PTPRG: variants seen among roughly 807,000 people sequenced by gnomAD.
PTPRG encodes protein tyrosine phosphatase receptor type G.
In PTPRG, 102 loss-of-function variants were observed where a neutral mutation model predicts 165.3. That is an observed-to-expected ratio of 0.62 (90% CI 0.53 to 0.73). The LOEUF (loss-of-function observed/expected upper bound fraction) is 0.73. PTPRG is among the 30% of genes least tolerant of loss of function. PTPRG has a pLI of 0.00. For synonymous variants in PTPRG, 675 were observed against 669.5 expected, an observed-to-expected ratio of 1.01 and a Z score of -0.13; for missense variants, 1,866 against 1,861.4, an observed-to-expected ratio of 1.00 and a Z score of -0.05.
intron 6 of PTPRG, among the ~76,000 whole-genome samples, chr3:62,145,831 C>G (rs771080070): frequency 1.3e-5 from 2 of 152,214 alleles, no homozygotes; most frequent in Admixed American, 6.5e-5. Context: ...GTATCCCAGC[C>G]ATGCAGTGGA....
intron 4 of PTPRG, among the ~76,000 whole-genome samples, chr3:62,027,814 T>TG (rs1699615484): frequency 6.6e-6 from 1 of 152,182 alleles, no homozygotes; most frequent in Admixed American, 6.5e-5. Flanking sequence ...AGGAAATGTG[T>TG]GTGTTCGTCT....
chr3:62,127,593 A>G (rs933682527), intron 5 of PTPRG, among the ~76,000 whole-genome samples: 2 of 152,152 alleles, frequency 1.3e-5, no homozygotes, highest in African/African-American at 2.4e-5. Flanking sequence ...TTTTTCCCAC[A>G]AGAGGATATC....
intron 4 of PTPRG, among the ~76,000 whole-genome samples, chr3:62,062,170 G>A (rs981863999): frequency 1.1e-4 from 16 of 152,046 alleles, no homozygotes; most frequent in Admixed American, 2.0e-4. Flanking sequence ...GTGGTGGCGC[G>A]TGCCTGTAAT....
chr3:62,252,705 GAAT>G lies in PTPRG; in HGVS notation c.2468-2418_2468-2416del, dbSNP rs1021488151. On this transcript the variant is annotated intron_variant, in intron 15 of 29. Coordinates refer to ENST00000474889, the MANE Select transcript of PTPRG (RefSeq NM_002841.4). The surrounding 1 kb of genome is among the most constrained non-coding windows in gnomAD (Gnocchi z 4.6). The stretch of plus-strand genomic sequence containing the variant: ...AGAGAATGTAATAGAAAAATTATGA[GAAT>G]GATTAGAATAATTAGTCATAGCCTT... Among the ~76,000 whole-genome samples, 1 of 152,104 alleles carries G rather than the reference GAAT, an allele frequency of 6.6e-6. No individual in the cohort carries two copies. Among genetic ancestry groups the G allele is most frequent in the Non-Finnish European group, 1.5e-5 (1 of 68,028 alleles).
chr3:62,162,819 A>C (rs1245721434), intron 7 of PTPRG, among the ~76,000 whole-genome samples: 1 of 152,244 alleles, frequency 6.6e-6, no homozygotes, highest in Non-Finnish European at 1.5e-5. Flanking sequence ...AGCTGAGAGC[A>C]TACAAAATAG....
At chr3:61,570,441 C>G (rs1700029356) in intron 1 of PTPRG, among the ~76,000 whole-genome samples, 1 of 152,104 alleles carries the variant, frequency 6.6e-6, no homozygotes, top group Non-Finnish European at 1.5e-5. Context: ...TGTAACACTT[C>G]CATGTAAGAA....
At chr3:61,682,830 C>T (rs892446263) in intron 1 of PTPRG, among the ~76,000 whole-genome samples, 6 of 152,154 alleles carry the variant, frequency 3.9e-5, no homozygotes, top group East Asian at 3.8e-4. Context: ...ACAGCAGTGG[C>T]GGATTAATTC....
intron 12 of PTPRG, among the ~76,000 whole-genome samples, chr3:62,212,592 G>T (rs1700386859): frequency 1.3e-5 from 2 of 152,132 alleles, no homozygotes; most frequent in African/African-American, 4.8e-5. Context: ...CTTGCAAACT[G>T]AAACCAGGCT....
Position 62,210,816 on chromosome 3 carries a change from A to T in PTPRG, c.2155+6866A>T, listed in dbSNP as rs1700341074. Among the ~76,000 whole-genome samples, 1 of 152,160 alleles carries T rather than the reference A, an allele frequency of 6.6e-6. No individual in the cohort carries two copies. The highest frequency in any genetic ancestry group is 2.4e-5 in the African/African-American group (1 of 41,444). Reference sequence around the variant, plus strand: ...ATAACATTTTTTTCTAGCTTACTTTATTGTAAGAATATAGCATATAATACA... The same window carrying T: ...ATAACATTTTTTTCTAGCTTACTTTTTTGTAAGAATATAGCATATAATACA... On this transcript the variant is annotated intron_variant, in intron 12 of 29. Transcript: ENST00000474889. The surrounding 1 kb of genome is among the most constrained non-coding windows in gnomAD (Gnocchi z 4.1).
intron 4 of PTPRG, among the ~76,000 whole-genome samples, chr3:62,044,778 A>G (rs1045630784): frequency 1.3e-5 from 2 of 152,178 alleles, no homozygotes; most frequent in Admixed American, 1.3e-4. Context: ...CAGCTCTTCC[A>G]TTAAGCTTCC....
chr3:61,675,806 T>C (rs1202189023), intron 1 of PTPRG, among the ~76,000 whole-genome samples: 1 of 152,198 alleles, frequency 6.6e-6, no homozygotes, highest in Non-Finnish European at 1.5e-5. Flanking sequence ...GCATACATTT[T>C]GAATTATCTT....
chr3:61,796,485 T>C (rs1440049376), intron 2 of PTPRG, among the ~76,000 whole-genome samples: 1 of 152,174 alleles, frequency 6.6e-6, no homozygotes, highest in Non-Finnish European at 1.5e-5. Context: ...GGGCAGAACT[T>C]GGTTCCTTGA....
At chr3:61,607,918 C>T (rs572439004) in intron 1 of PTPRG, among the ~76,000 whole-genome samples, 2 of 152,198 alleles carry the variant, frequency 1.3e-5, no homozygotes, top group South Asian at 2.1e-4. Flanking sequence ...TGAGGATTAC[C>T]CTGTTGGAAT....
intron 12 of PTPRG, among the ~76,000 whole-genome samples, chr3:62,212,774 C>G (rs1407823065): frequency 6.6e-6 from 1 of 152,182 alleles, no homozygotes; most frequent in Non-Finnish European, 1.5e-5. Flanking sequence ...TTGTTGCCAA[C>G]CTTGAACATT....
intron 1 of PTPRG, among the ~76,000 whole-genome samples, chr3:61,695,296 C>G (rs1344360144): frequency 6.6e-6 from 1 of 152,194 alleles, no homozygotes; most frequent in Non-Finnish European, 1.5e-5. Flanking sequence ...CAAGTGTGAG[C>G]CACCGCGCCT....
At chr3:61,620,682 G>A (rs1002052018) in intron 1 of PTPRG, among the ~76,000 whole-genome samples, 3 of 151,902 alleles carry the variant, frequency 2.0e-5, no homozygotes, top group African/African-American at 7.3e-5. Context: ...AGGCTGGAGT[G>A]CAATAGTGCG....
At chr3:61,625,384 T>C (rs1268545075) in intron 1 of PTPRG, among the ~76,000 whole-genome samples, 1 of 152,216 alleles carries the variant, frequency 6.6e-6, no homozygotes, top group Non-Finnish European at 1.5e-5. Flanking sequence ...TGTCCTGTTG[T>C]ATAAATGACT....
chr3:61,829,969 C>A (rs911002893), intron 2 of PTPRG, among the ~76,000 whole-genome samples: 5 of 152,166 alleles, frequency 3.3e-5, no homozygotes, highest in Admixed American at 2.6e-4. Context: ...CTGTGATGTT[C>A]TTGTATCCTC....
chr3:61,599,259 C>T (rs1700783048), intron 1 of PTPRG, among the ~76,000 whole-genome samples: 1 of 152,146 alleles, frequency 6.6e-6, no homozygotes. Flanking sequence ...AAGCGATTCT[C>T]CTGCCTCAGT....
Sources: gnomAD v4.1 joint callset for allele counts (sites outside exome capture counted in the v4.1 genomes callset) on GRCh38, gnomAD v4.1.1 for gene constraint, Gnocchi (gnomAD v3.1) non-coding constraint, MANE v1.5 for transcripts, NCBI Gene and HGNC (gene_info 2026-07-23, HGNC 2026-07-21) for gene names.